TWF1: variants seen among roughly 807,000 people sequenced by gnomAD.
TWF1 encodes twinfilin actin binding protein 1, also known as twinfilin-1.
Under a neutral mutation model 47.9 loss-of-function variants are expected in TWF1, and 14 were observed. The ratio of observed to expected loss-of-function variants is 0.29; its 90% CI spans 0.19 to 0.46. The LOEUF (loss-of-function observed/expected upper bound fraction) is 0.46. TWF1 is among the 20% of genes least tolerant of loss of function. The probability of loss-of-function intolerance (pLI) is 1.00; values close to 1 mark genes in which losing one functional copy is unlikely to be tolerated. For synonymous variants in TWF1, 96 were observed against 139.2 expected (o/e 0.69, Z 2.18); for missense variants, 281 against 409.3 (o/e 0.69, Z 2.70).
In TWF1 at chr12:43,795,383, C is replaced by A. The variant is rs111381081; in HGVS notation, c.*202G>T. 4.9e-5 allele frequency: 25 copies of A among 514,198 alleles called. No homozygotes were observed. Among genetic ancestry groups the A allele is most frequent in the Admixed American group, 4.3e-4 (13 of 30,276 alleles). 31.9% of individuals were successfully genotyped at this position (514,198 alleles called of 1,614,324 possible). Reference sequence around the variant, plus strand: ...GACAAAATTAAACATTATGTTGAACCCTTTTCTAGCTTTAACTCAAAAATA... The same window carrying A: ...GACAAAATTAAACATTATGTTGAACACTTTTCTAGCTTTAACTCAAAAATA... On this transcript the variant is annotated 3_prime_UTR_variant, in exon 9 of 9. Transcript: ENST00000395510.
chr12:43,804,669 C>G (rs1375632796), intron 1 of TWF1, 97 bp from the exon 2 acceptor site: 3 of 771,154 alleles, frequency 3.9e-6, no homozygotes, highest in Non-Finnish European at 6.2e-6. Flanking sequence ...AAGAAAAAAT[C>G]TGGAGCATGT....
rs565383143 is a variant in TWF1, at chr12:43,797,795, T to A, written c.522A>T (p.Thr174=). ...AAATGGGAAATGCTACTCCTTGTAG[T>A]GTTTGATGCTTAGTGTCCACACCCA... ...TDVGVDTKHQ[T]LQGVAFPISR... is the part of the protein sequence containing the mutation. The change falls in exon 6 of 9, where the codon ACA becomes ACT. Residue 174 remains threonine (T), a synonymous_variant. Coordinates refer to ENST00000395510, the MANE Select transcript of TWF1 (RefSeq NM_002822.5). The A allele has an allele frequency of 9.9e-6, 16 of 1,613,426 alleles. No individual in the cohort carries two copies. The highest frequency in any genetic ancestry group is 1.4e-5 in the Non-Finnish European group (16 of 1,179,476).
intron 5 of TWF1, among the ~76,000 whole-genome samples, 189 bp from the exon 6 acceptor site, chr12:43,798,022 C>T (rs1438721925): frequency 6.6e-6 from 1 of 152,066 alleles, no homozygotes; most frequent in African/African-American, 2.4e-5. Context: ...CACATCTTTA[C>T]GACAATGTTG....
At chr12:43,805,361 G>A (rs1320009946) in intron 1 of TWF1, among the ~76,000 whole-genome samples, 1 of 152,166 alleles carries the variant, frequency 6.6e-6, no homozygotes, top group African/African-American at 2.4e-5. Flanking sequence ...AGGGGGATGT[G>A]TGCGGTGGTG....
chr12:43,796,955 A>G lies in TWF1; in HGVS notation c.882+21T>C, dbSNP rs79019252. On this transcript the variant is annotated intron_variant, in intron 8 of 8. Coordinates refer to ENST00000395510, the MANE Select transcript of TWF1 (RefSeq NM_002822.5). ...AAGAAAAATTTAGCAAAAACTGAAG[A>G]TTTTAAAATAGGTGGGCTACCTTTC... The G allele has an allele frequency of 1.0e-3, 1,605 of 1,604,128 alleles. 30 individuals carry two copies. In the East Asian group the frequency reaches 0.031, roughly 31 times the overall value.
Position 43,795,499 on chromosome 12 carries a change from T to C in TWF1, c.*86A>G, listed in dbSNP as rs1942532693. On this transcript the variant is annotated 3_prime_UTR_variant, in exon 9 of 9. Coordinates refer to ENST00000395510, the MANE Select transcript of TWF1 (RefSeq NM_002822.5). ...AAAAGTACAATTTTTTTCCCTACTT[T>C]ATATCAACATGGAATGATTTCAGTT... The C allele has an allele frequency of 2.2e-6, 3 of 1,354,894 alleles. No individual in the cohort carries two copies. The highest frequency in any genetic ancestry group is 1.5e-5 in the South Asian group (1 of 66,754). 83.9% of individuals were successfully genotyped at this position (1,354,894 alleles called of 1,614,324 possible). A position where few individuals can be genotyped will look rare whatever the true frequency, so the allele number is the denominator to read the frequency against.
In TWF1 at chr12:43,806,098, G is replaced by A. The variant is rs939817360; in HGVS notation, c.25+123C>T. The A allele has an allele frequency of 2.0e-6, 3 of 1,520,914 alleles. No homozygotes were observed. The South Asian group carries it at 3.6e-5, about 18-fold the overall frequency. The allele number at this position is 1,520,914 out of a possible 1,614,324, so 94.2% of individuals were successfully genotyped here. A position where few individuals can be genotyped will look rare whatever the true frequency, so the allele number is the denominator to read the frequency against. The stretch of plus-strand genomic sequence containing the variant: ...GCGGAGAGGCGCCGAGGCCCGGCTC[G>A]CCCCGCGAGACCGACTTCCGGAGCT... On this transcript the variant is annotated intron_variant, in intron 1 of 8. Coordinates refer to ENST00000395510, the MANE Select transcript of TWF1 (RefSeq NM_002822.5).
intron 8 of TWF1, 76 bp from the exon 9 acceptor site, chr12:43,795,831 G>A: frequency 7.0e-7 from 1 of 1,438,760 alleles, no homozygotes; most frequent in South Asian, 1.2e-5. Flanking sequence ...GTATATGAAT[G>A]CTCACAAATA....
intron 3 of TWF1, 122 bp from the exon 4 acceptor site, chr12:43,800,652 C>A (rs1484845407): frequency 1.2e-5 from 8 of 687,956 alleles, no homozygotes; most frequent in South Asian, 1.9e-5. Flanking sequence ...TGAAGTCCAC[C>A]CACTATAATA....
chr12:43,802,382 C>T lies in TWF1; in HGVS notation c.186G>A (p.Glu62=). ...DYDSFVLPLL[E]DKQPCYILFR... ...ATAATATATAGCATGGTTGTTTGTCCTCCAACAGGGGTAAAACAAAGGAAT... is the reference window on the plus strand; with the variant it reads ...ATAATATATAGCATGGTTGTTTGTCTTCCAACAGGGGTAAAACAAAGGAAT... The change falls in exon 3 of 9, where the codon GAG becomes GAA. Residue 62 remains glutamate, a synonymous_variant. Coordinates refer to ENST00000395510, the MANE Select transcript of TWF1 (RefSeq NM_002822.5). The T allele has an allele frequency of 6.2e-7, 1 of 1,606,650 alleles. No individual in the cohort carries two copies. Among genetic ancestry groups the T allele is most frequent in the Non-Finnish European group, 8.5e-7 (1 of 1,175,792 alleles).
At chr12:43,804,403 A>T in intron 2 of TWF1, 92 bp downstream of exon 2, 1 of 808,068 alleles carries the variant, frequency 1.2e-6, no homozygotes, top group Non-Finnish European at 2.0e-6. Flanking sequence ...CATATTAATT[A>T]ATAGTTCAAA....
At chr12:43,804,164 T>C in intron 2 of TWF1, 1 of 389,238 alleles carries the variant, frequency 2.6e-6, no homozygotes, top group Non-Finnish European at 5.1e-6. Context: ...ATTTTTTTTT[T>C]TTGATAATCA....
In TWF1 at chr12:43,797,732, A is replaced by T; in HGVS notation, c.585T>A (p.Asn195Lys). Residue 195 changes from asparagine (N) to lysine (K), a missense_variant, in exon 6 of 9, where the codon AAT becomes AAA. Coordinates refer to ENST00000395510, the MANE Select transcript of TWF1 (RefSeq NM_002822.5). ...EAFQALEKLN[N>K]RQLNYVQLEI... ...CCAACTGCACATAGTTGAGCTGTCT[A>T]TTATTCAATTTTTCCAAAGCCTGAA... is the stretch of plus-strand genomic sequence containing the variant. The T allele has an allele frequency of 6.2e-7, 1 of 1,612,674 alleles. No homozygotes were observed. Among genetic ancestry groups the T allele is most frequent in the East Asian group, 2.2e-5 (1 of 44,862 alleles).
chr12:43,801,614 T>C (rs1414446546), intron 3 of TWF1, among the ~76,000 whole-genome samples: 1 of 152,216 alleles, frequency 6.6e-6, no homozygotes, highest in African/African-American at 2.4e-5. Context: ...TTAATAAATG[T>C]ATGATAATAC....
intron 2 of TWF1, among the ~76,000 whole-genome samples, chr12:43,803,324 A>G (rs1425624489): frequency 1.3e-5 from 2 of 152,150 alleles, no homozygotes; most frequent in East Asian, 3.8e-4. Flanking sequence ...AGAACTCCCA[A>G]TTGTAGTTGC....
Position 43,797,733 on chromosome 12 carries a change from T to C in TWF1, c.584A>G (p.Asn195Ser). ...EAFQALEKLN[N>S]RQLNYVQLEI... ...CAACTGCACATAGTTGAGCTGTCTA[T>C]TATTCAATTTTTCCAAAGCCTGAAA... Residue 195 changes from asparagine to serine, a missense_variant, in exon 6 of 9, where the codon AAT becomes AGT. Transcript: ENST00000395510. 6.2e-7 allele frequency: 1 copy of C among 1,612,722 alleles called. No homozygotes were observed. Among genetic ancestry groups the C allele is most frequent in the Non-Finnish European group, 8.5e-7 (1 of 1,179,542 alleles).
intron 8 of TWF1, among the ~76,000 whole-genome samples, chr12:43,796,291 A>G (rs1400501205): frequency 6.6e-6 from 1 of 152,156 alleles, no homozygotes; most frequent in African/African-American, 2.4e-5. Context: ...AGAAGGTGCT[A>G]CCCATGATAA....
chr12:43,801,621 A>G (rs987370826), intron 3 of TWF1, among the ~76,000 whole-genome samples: 1 of 152,210 alleles, frequency 6.6e-6, no homozygotes, highest in African/African-American at 2.4e-5. Flanking sequence ...ATGTATGATA[A>G]TACTAACAAA....
chr12:43,803,475 G>T (rs903305986), intron 2 of TWF1, among the ~76,000 whole-genome samples: 3 of 152,022 alleles, frequency 2.0e-5, no homozygotes, highest in African/African-American at 7.2e-5. Context: ...AGGTATTTAT[G>T]ATACAATTTT....
Sources: gnomAD v4.1 joint callset for allele counts (sites outside exome capture counted in the v4.1 genomes callset) on GRCh38, gnomAD v4.1.1 for gene constraint, MANE v1.5 for transcripts, NCBI Gene and HGNC (gene_info 2026-07-23, HGNC 2026-07-21) for gene names.